Variants in MYO1B observed in about 807,000 individuals in gnomAD.
The protein encoded by MYO1B is unconventional myosin-Ib.
MYO1B carries 72 observed loss-of-function variants against 159.7 expected under a neutral mutation model. That is an observed-to-expected ratio of 0.45 (90% confidence interval 0.37 to 0.55). MYO1B has a LOEUF of 0.55. Among genes scored for constraint, MYO1B ranks in the 20% least tolerant of loss-of-function variants. MYO1B has a pLI of 0.00. For synonymous variants in MYO1B, 468 were observed against 473.8 expected, an observed-to-expected ratio of 0.99 and a Z score of 0.16; for missense variants, 1,062 against 1,364.8, an observed-to-expected ratio of 0.78 and a Z score of 3.50.
At chr2:191,379,613 T>A (rs1364648043) in intron 13 of MYO1B, among the ~76,000 whole-genome samples, 1 of 152,176 alleles carries the variant, frequency 6.6e-6, no homozygotes, top group Non-Finnish European at 1.5e-5. Flanking sequence ...TGTTTGATGA[T>A]TTAGCATAAT....
At chr2:191,272,738 A>G (rs1399421291) in intron 1 of MYO1B, among the ~76,000 whole-genome samples, 1 of 152,142 alleles carries the variant, frequency 6.6e-6, no homozygotes, top group Non-Finnish European at 1.5e-5. Context: ...AAATTCTCTA[A>G]TGCCACAGGC....
chr2:191,250,127 G>GT (rs1306613890), intron 1 of MYO1B, among the ~76,000 whole-genome samples: 1 of 152,214 alleles, frequency 6.6e-6, no homozygotes, highest in Non-Finnish European at 1.5e-5. Context: ...AGCAGGGCAG[G>GT]TGGATGCATC....
intron 13 of MYO1B, among the ~76,000 whole-genome samples, chr2:191,375,999 T>A (rs1265472914): frequency 6.6e-6 from 1 of 152,038 alleles, no homozygotes; most frequent in Non-Finnish European, 1.5e-5. Flanking sequence ...TGTGGAATAA[T>A]TGGAATATTT....
intron 7 of MYO1B, among the ~76,000 whole-genome samples, chr2:191,359,494 A>G (rs1245287450): frequency 6.6e-6 from 1 of 151,970 alleles, no homozygotes; most frequent in Non-Finnish European, 1.5e-5. Flanking sequence ...GCTCAATTTT[A>G]TGTTTTCTTA....
chr2:191,383,208 AG>A (rs1695145309), intron 14 of MYO1B, 71 bp from the exon 15 acceptor site: 8 of 873,284 alleles, frequency 9.2e-6, no homozygotes, highest in Non-Finnish European at 1.4e-5. Flanking sequence ...AGATGGTCAA[AG>A]TCTGTTTTAT....
intron 11 of MYO1B, 113 bp downstream of exon 11, chr2:191,364,389 C>G: frequency 1.2e-6 from 1 of 819,106 alleles, no homozygotes; most frequent in Non-Finnish European, 2.0e-6. Context: ...GTACTATGTT[C>G]TAGGCATTGG....
chr2:191,346,715 G>A (rs1347691502), intron 6 of MYO1B, among the ~76,000 whole-genome samples: 2 of 152,216 alleles, frequency 1.3e-5, no homozygotes, highest in African/African-American at 4.8e-5. Context: ...TAGAGGTAAA[G>A]TCCATAGGCT....
intron 25 of MYO1B, 94 bp from the exon 26 acceptor site, chr2:191,408,950 A>T: frequency 7.6e-7 from 1 of 1,307,830 alleles, no homozygotes; most frequent in Non-Finnish European, 1.0e-6. Context: ...AATAAATTCT[A>T]CTATTGTCTC....
intron 28 of MYO1B, 112 bp from the exon 29 acceptor site, chr2:191,414,405 A>G (rs1697436574): frequency 9.1e-7 from 1 of 1,096,168 alleles, no homozygotes; most frequent in Non-Finnish European, 1.3e-6. Flanking sequence ...TGGTTTACAT[A>G]GGTATGTTTG....
chr2:191,324,323 T>C (rs920211422), intron 3 of MYO1B, among the ~76,000 whole-genome samples: 3 of 152,152 alleles, frequency 2.0e-5, no homozygotes, highest in Admixed American at 2.0e-4. Flanking sequence ...TCTTTGTTTT[T>C]TGTTTCCCTA....
At chr2:191,271,247 A>G (rs1687438336) in intron 1 of MYO1B, among the ~76,000 whole-genome samples, 2 of 152,254 alleles carry the variant, frequency 1.3e-5, no homozygotes, top group African/African-American at 4.8e-5. Flanking sequence ...TCTGGTGTAT[A>G]TTGCTAATGC....
chr2:191,250,800 G>A (rs1416405711), intron 1 of MYO1B, among the ~76,000 whole-genome samples: 5 of 152,168 alleles, frequency 3.3e-5, no homozygotes, highest in Non-Finnish European at 7.3e-5. Flanking sequence ...CCAGAACAAC[G>A]AAGTGCCACC....
chr2:191,335,893 G>A (rs897100611), intron 4 of MYO1B, among the ~76,000 whole-genome samples: 2 of 152,180 alleles, frequency 1.3e-5, no homozygotes, highest in Non-Finnish European at 1.5e-5. Flanking sequence ...AGGGAGAGGC[G>A]TGAACTCTTT....
chr2:191,381,509 G>C lies in MYO1B; in HGVS notation c.1233G>C (p.Leu411=). Residue 411 remains leucine (L), a synonymous_variant, in exon 14 of 31, where the codon CTG becomes CTC. Coordinates refer to ENST00000392318, the MANE Select transcript of MYO1B (RefSeq NM_001130158.3). The stretch of plus-strand genomic sequence containing the variant: ...TTATTAATTATTGTAACGAAAAGCT[G>C]CAACAAATCTTCATTGAACTTACTC... ...QFIINYCNEK[L]QQIFIELTLK... 6.2e-7 allele frequency: 1 copy of C among 1,613,736 alleles called. No individual in the cohort carries two copies. Among genetic ancestry groups the C allele is most frequent in the Non-Finnish European group, 8.5e-7 (1 of 1,179,784 alleles).
chr2:191,345,585 G>A (rs554259440), intron 5 of MYO1B, among the ~76,000 whole-genome samples: 77 of 152,222 alleles, frequency 5.1e-4, no homozygotes, highest in African/African-American at 1.7e-3. Flanking sequence ...TGGAACATTT[G>A]TATTTTGCAT....
intron 2 of MYO1B, among the ~76,000 whole-genome samples, chr2:191,281,747 A>T (rs924837229): frequency 1.3e-5 from 2 of 152,170 alleles, no homozygotes; most frequent in Non-Finnish European, 2.9e-5. Context: ...CAAATTTGGA[A>T]ACCAGAGAAC....
intron 11 of MYO1B, among the ~76,000 whole-genome samples, chr2:191,364,904 A>G (rs1170988007): frequency 6.7e-6 from 1 of 150,340 alleles, no homozygotes; most frequent in African/African-American, 2.5e-5. Flanking sequence ...TTTTTGGCCC[A>G]AGCAACTGGA....
chr2:191,396,204 T>C (rs976080146), intron 20 of MYO1B, among the ~76,000 whole-genome samples: 4 of 152,204 alleles, frequency 2.6e-5, no homozygotes, highest in Admixed American at 2.0e-4. Flanking sequence ...TGCTGTGTCC[T>C]GAGTCATTTA....
In MYO1B at chr2:191,341,489, G is replaced by A; in HGVS notation, c.375G>A (p.Val125=). 3.1e-6 allele frequency: 5 copies of A among 1,613,842 alleles called. No homozygotes were observed. The highest frequency in any genetic ancestry group is 4.2e-6 in the Non-Finnish European group (5 of 1,179,928). Residue 125 remains valine, a synonymous_variant, in exon 5 of 31, where the codon GTG becomes GTA. Transcript: ENST00000392318. ...CCAGTAAGCTTGTCATGTCCTATGT[G>A]GCAGCTGTTTGTGGAAAAGGAGCAG... ...TEASKLVMSY[V]AAVCGKGAEV...
Sources: gnomAD v4.1 joint callset for allele counts (sites outside exome capture counted in the v4.1 genomes callset) on GRCh38, gnomAD v4.1.1 for gene constraint, MANE v1.5 for transcripts, NCBI Gene and HGNC (gene_info 2026-07-23, HGNC 2026-07-21) for gene names.